The following LITAF variants were observed in gnomAD, a reference collection of about 807,000 sequenced individuals.
The protein encoded by LITAF is lipopolysaccharide induced TNF factor, also known as lipopolysaccharide-induced tumor necrosis factor-alpha factor.
Under a neutral mutation model 14.5 loss-of-function variants are expected in LITAF, and 9 were observed. The observed-to-expected ratio is 0.62, with a 90% CI of 0.37 to 1.08. LITAF has a LOEUF of 1.08. Among genes scored for constraint, LITAF ranks in the 50% least tolerant of loss-of-function variants. The probability of loss-of-function intolerance (pLI) is 0.01; values close to 1 mark genes in which losing one functional copy is unlikely to be tolerated. For synonymous variants in LITAF, 98 were observed against 88.2 expected (o/e 1.11, Z -0.62); for missense variants, 206 against 213.4 (o/e 0.97, Z 0.22).
chr16:11,573,433 C>T (rs1401474616), intron 1 of LITAF, among the ~76,000 whole-genome samples: 2 of 152,278 alleles, frequency 1.3e-5, no homozygotes, highest in South Asian at 2.1e-4. Flanking sequence ...GAAATGTGTG[C>T]TGGCAATAAC....
intron 3 of LITAF, among the ~76,000 whole-genome samples, chr16:11,615,957 G>T (rs901748755): frequency 1.3e-5 from 2 of 152,152 alleles, no homozygotes; most frequent in African/African-American, 2.4e-5. Flanking sequence ...ACTAGGAGTT[G>T]GGTCCAATCA....
intron 1 of LITAF, among the ~76,000 whole-genome samples, chr16:11,566,417 G>A (rs1366710771): frequency 6.6e-6 from 1 of 152,170 alleles, no homozygotes; most frequent in Non-Finnish European, 1.5e-5. Context: ...TTTGTAGAAA[G>A]CAATACCTAG....
chr16:11,621,142 G>T (rs1040035139), intron 3 of LITAF, among the ~76,000 whole-genome samples: 5 of 151,864 alleles, frequency 3.3e-5, no homozygotes, highest in Non-Finnish European at 7.4e-5. Flanking sequence ...TCGGCTCACC[G>T]CAACCTCCGC....
chr16:11,574,531 T>C (rs1194898498), intron 1 of LITAF, among the ~76,000 whole-genome samples: 1 of 152,136 alleles, frequency 6.6e-6, no homozygotes, highest in Non-Finnish European at 1.5e-5. Context: ...ACAAAATACA[T>C]ACTTTTTTAA....
intron 1 of LITAF, among the ~76,000 whole-genome samples, chr16:11,562,226 A>T (rs2141745516): frequency 6.8e-6 from 1 of 146,626 alleles, no homozygotes. Flanking sequence ...CTGCCTCTCC[A>T]CACTGTGAAC....
At position 11,548,778 on chromosome 16, in the gene LITAF, C is replaced by A. The variant is rs1356566801; in HGVS notation, c.*859G>T. The stretch of plus-strand genomic sequence containing the variant: ...ATCGCTTGAGCCCAGGAGTTCGACA[C>A]CAGCCTGGGCAACATAGTAAGACCC... On this transcript the variant is annotated 3_prime_UTR_variant, in exon 4 of 4. Transcript: ENST00000622633. The A allele has an allele frequency of 2.2e-6, 1 of 452,906 alleles. No homozygotes were observed. Among genetic ancestry groups the A allele is most frequent in the Admixed American group, 2.4e-5 (1 of 42,412 alleles). 28.1% of individuals were successfully genotyped at this position (452,906 alleles called of 1,614,324 possible).
At chr16:11,568,980 T>C (rs2064500622) in intron 1 of LITAF, among the ~76,000 whole-genome samples, 2 of 152,034 alleles carry the variant, frequency 1.3e-5, no homozygotes, top group Non-Finnish European at 2.9e-5. Context: ...GTGTTCAGCC[T>C]GACACCACTG....
At chr16:11,567,839 C>T (rs1309994145) in intron 1 of LITAF, among the ~76,000 whole-genome samples, 5 of 152,138 alleles carry the variant, frequency 3.3e-5, no homozygotes, top group Non-Finnish European at 5.9e-5. Context: ...CAAAAATTAG[C>T]CAGGCGTGGT....
intron 3 of LITAF, among the ~76,000 whole-genome samples, chr16:11,610,355 G>C (rs2064975917): frequency 6.6e-6 from 1 of 152,216 alleles, no homozygotes; most frequent in Non-Finnish European, 1.5e-5. Context: ...ATTATGCCTA[G>C]GTTGGAGGGT....
At chr16:11,591,832 G>A (rs566786387), upstream of LITAF, among the ~76,000 whole-genome samples, 611 of 151,568 alleles carry the variant, frequency 4.0e-3, 3 homozygotes, top group Non-Finnish European at 7.2e-3. Flanking sequence ...CAAGCGATCC[G>A]CCCACCTTGG....
intron 1 of LITAF, among the ~76,000 whole-genome samples, chr16:11,594,622 C>T (rs1173993160): frequency 2.6e-5 from 4 of 152,074 alleles, no homozygotes; most frequent in Non-Finnish European, 2.9e-5. Context: ...ACACCTGCAA[C>T]CCCAACACTT....
intron 3 of LITAF, chr16:11,551,664 CAA>C: frequency 7.2e-6 from 4 of 554,180 alleles, no homozygotes; most frequent in South Asian, 4.2e-5. Flanking sequence ...TCCACACACA[CAA>C]AAAAAAAATT....
intron 3 of LITAF, among the ~76,000 whole-genome samples, chr16:11,611,957 G>A (rs549480031): frequency 2.2e-4 from 34 of 152,292 alleles, no homozygotes; most frequent in African/African-American, 3.1e-4. Flanking sequence ...GAGCCGCTGC[G>A]CCTGGCCCTC....
intron 3 of LITAF, among the ~76,000 whole-genome samples, chr16:11,628,009 C>CAAAAAA (rs34480494): frequency 3.7e-5 from 2 of 54,748 alleles, no homozygotes; most frequent in Non-Finnish European, 3.2e-5. Context: ...GAGACTCTGT[C>CAAAAAA]AAAAAAAAAA....
chr16:11,622,397 G>A (rs1395521493), intron 3 of LITAF, among the ~76,000 whole-genome samples: 1 of 152,248 alleles, frequency 6.6e-6, no homozygotes, highest in Non-Finnish European at 1.5e-5. Context: ...TCTGAGCTCA[G>A]GCCCAGGAAA....
At chr16:11,592,525 A>G (rs1030700527) in intron 1 of LITAF, among the ~76,000 whole-genome samples, 1 of 151,834 alleles carries the variant, frequency 6.6e-6, no homozygotes, top group East Asian at 1.9e-4. Context: ...CAGTGAGCAG[A>G]GATCATGTCA....
intron 3 of LITAF, among the ~76,000 whole-genome samples, chr16:11,624,150 C>T (rs1268624527): frequency 6.6e-6 from 1 of 152,092 alleles, no homozygotes; most frequent in Non-Finnish European, 1.5e-5. Flanking sequence ...TAAATAATTT[C>T]TCTCTCTCCG....
chr16:11,623,519 G>A (rs2065063953), intron 3 of LITAF, among the ~76,000 whole-genome samples: 1 of 151,734 alleles, frequency 6.6e-6, no homozygotes, highest in African/African-American at 2.4e-5. Context: ...AATTAGCCAG[G>A]CAAGGTGGCG....
chr16:11,628,042 G>GT (rs1442485132), intron 3 of LITAF, among the ~76,000 whole-genome samples: 2 of 148,844 alleles, frequency 1.3e-5, no homozygotes, highest in African/African-American at 2.5e-5. Context: ...AACAAGGCCT[G>GT]TAATTCTCCA....
Sources: allele counts gnomAD v4.1 joint callset (sites outside exome capture counted in the v4.1 genomes callset), GRCh38; gene constraint gnomAD v4.1.1; transcripts MANE v1.5; gene names NCBI Gene and HGNC (gene_info 2026-07-23, HGNC 2026-07-21).